ATP9B: variants seen among roughly 807,000 people sequenced by gnomAD.
ATP9B encodes ATPase phospholipid transporting 9B.
A neutral mutation model predicts 146.1 loss-of-function variants in ATP9B; 110 were observed. The ratio of observed to expected loss-of-function variants is 0.75; its 90% CI spans 0.65 to 0.88. ATP9B has a LOEUF of 0.88. Among genes scored for constraint, ATP9B ranks in the 40% least tolerant of loss-of-function variants. ATP9B has a pLI of 0.00. For synonymous variants in ATP9B, 604 were observed against 569.7 expected, an observed-to-expected ratio of 1.06 and a Z score of -0.86; for missense variants, 1,499 against 1,496.4, an observed-to-expected ratio of 1.00 and a Z score of -0.03.
chr18:79,277,234 A>G, intron 13 of ATP9B, 38 bp downstream of exon 13: 1 of 1,608,616 alleles, frequency 6.2e-7, no homozygotes, highest in Non-Finnish European at 8.5e-7. Context: ...TGAATGGACA[A>G]AATGACATTT....
At chr18:79,317,146 T>A (rs114771570) in intron 15 of ATP9B, among the ~76,000 whole-genome samples, 1 of 152,194 alleles carries the variant, frequency 6.6e-6, no homozygotes, top group Admixed American at 6.5e-5. Context: ...ATAGGTCAGT[T>A]GTTTTGAGGC....
intron 1 of ATP9B, among the ~76,000 whole-genome samples, chr18:79,074,531 A>G (rs2072364884): frequency 6.6e-6 from 1 of 152,162 alleles, no homozygotes; most frequent in African/African-American, 2.4e-5. Flanking sequence ...GGCTCTCCCT[A>G]ATGAGAGAGA....
At chr18:79,174,229 C>A (rs1487032229) in intron 7 of ATP9B, 2 of 415,262 alleles carry the variant, frequency 4.8e-6, no homozygotes, top group South Asian at 1.8e-5. Flanking sequence ...GGAATTTTCA[C>A]TGCATGAAGC....
At chr18:79,198,222 A>G (rs2095434397) in intron 9 of ATP9B, among the ~76,000 whole-genome samples, 2 of 152,218 alleles carry the variant, frequency 1.3e-5, no homozygotes, top group African/African-American at 2.4e-5. Context: ...TAAATCCCCA[A>G]TTAAATGGAC....
rs760691116 is a variant in ATP9B, at chr18:79,345,788, T to C, written c.2631T>C (p.Asn877=). 5.6e-6 allele frequency: 9 copies of C among 1,614,132 alleles called. No individual in the cohort carries two copies. In the South Asian group the frequency reaches 9.9e-5, roughly 18 times the overall value. ...RRTCAIGDGG[N]DVSMIQAADC... is the part of the protein sequence containing the mutation. ...CTTGCTTCGCAGGTGATGGAGGAAATGATGTCAGCATGATTCAGGCAGCAG... is the reference window on the plus strand; with the variant it reads ...CTTGCTTCGCAGGTGATGGAGGAAACGATGTCAGCATGATTCAGGCAGCAG... Residue 877 remains asparagine (N), a synonymous_variant, in exon 23 of 30, where the codon AAT becomes AAC. Transcript: ENST00000426216.
chr18:79,341,147 C>G (rs920722544), intron 19 of ATP9B, among the ~76,000 whole-genome samples: 8 of 152,228 alleles, frequency 5.3e-5, no homozygotes, highest in Non-Finnish European at 1.2e-4. Context: ...GTAGCGTGAC[C>G]TCGTTGAAGT....
At chr18:79,071,699 C>T (rs2071846020) in intron 1 of ATP9B, among the ~76,000 whole-genome samples, 1 of 152,080 alleles carries the variant, frequency 6.6e-6, no homozygotes, top group Non-Finnish European at 1.5e-5. Context: ...CTTGAAAAAT[C>T]TTGTGCTGCT....
chr18:79,071,439 T>A (rs6506725), intron 1 of ATP9B, among the ~76,000 whole-genome samples: 113,626 of 130,826 alleles, frequency 0.87, 49,405 homozygotes, highest in Middle Eastern at 0.94. Flanking sequence ...TCTGTTCTCC[T>A]GGCTGGAGTT....
chr18:79,176,975 C>T (rs2095181201), intron 8 of ATP9B, 68 bp downstream of exon 8: 1 of 1,285,648 alleles, frequency 7.8e-7, no homozygotes, highest in Non-Finnish European at 1.1e-6. Flanking sequence ...ACGTATATTT[C>T]TGTTTATACC....
At chr18:79,253,325 A>G in intron 11 of ATP9B, 56 bp from the exon 12 acceptor site, 3 of 1,487,418 alleles carry the variant, frequency 2.0e-6, no homozygotes, top group Non-Finnish European at 2.7e-6. Flanking sequence ...ATTCTGATTT[A>G]TAATATTAGG....
At chr18:79,171,878 GTT>G (rs144146479) in intron 7 of ATP9B, among the ~76,000 whole-genome samples, 5 of 146,626 alleles carry the variant, frequency 3.4e-5, no homozygotes, top group African/African-American at 7.6e-5. Flanking sequence ...TCGGAGACTC[GTT>G]TTTTTTTGTT....
At chr18:79,280,623 A>C (rs1253765793) in intron 13 of ATP9B, among the ~76,000 whole-genome samples, 2 of 152,200 alleles carry the variant, frequency 1.3e-5, no homozygotes, top group Non-Finnish European at 2.9e-5. Context: ...TTTGAATAGC[A>C]TAATTGTCAG....
chr18:79,077,299 A>T (rs895710398), intron 1 of ATP9B, among the ~76,000 whole-genome samples: 2 of 152,140 alleles, frequency 1.3e-5, no homozygotes, highest in African/African-American at 4.8e-5. Flanking sequence ...TACTGCCAGA[A>T]GGGGCTGAAG....
At chr18:79,141,673 G>C (rs1162227474) in intron 5 of ATP9B, among the ~76,000 whole-genome samples, 2 of 152,148 alleles carry the variant, frequency 1.3e-5, no homozygotes, top group Non-Finnish European at 2.9e-5. Flanking sequence ...TTGAGGCCAG[G>C]TGACAGTTGT....
intron 8 of ATP9B, among the ~76,000 whole-genome samples, chr18:79,191,806 G>GATC (rs2095369408): frequency 6.6e-6 from 1 of 152,154 alleles, no homozygotes; most frequent in South Asian, 2.1e-4. Flanking sequence ...AGTCTTCACT[G>GATC]ATCATGTTCT....
rs573675537 is a variant in ATP9B at position 79,134,503 on chromosome 18, A to T, written c.667+8128A>T. ...CATGGCATGTGGTGAGCACTCAGTG[A>T]ACTGCGGGAGTCAAGAAAGAAAGAA... On this transcript the variant is annotated intron_variant, in intron 5 of 29. Transcript: ENST00000426216. Among the ~76,000 whole-genome samples the T allele has an allele frequency of 1.7e-3, 252 of 152,310 alleles. 3 individuals carry two copies. The highest frequency in any genetic ancestry group is 1.1e-3 in the Non-Finnish European group (75 of 68,032).
chr18:79,369,799 T>C (rs2097058877), intron 26 of ATP9B, among the ~76,000 whole-genome samples: 1 of 152,002 alleles, frequency 6.6e-6, no homozygotes, highest in South Asian at 2.1e-4. Context: ...TAATCTTTCC[T>C]TAAAATTTGC....
At chr18:79,257,281 G>A (rs1022311438) in intron 12 of ATP9B, among the ~76,000 whole-genome samples, 1 of 152,120 alleles carries the variant, frequency 6.6e-6, no homozygotes, top group Non-Finnish European at 1.5e-5. Context: ...GCCTGGGCAG[G>A]CAAAAGAACA....
chr18:79,117,631 C>T (rs2147080192), intron 4 of ATP9B: 1 of 152,248 alleles, frequency 6.6e-6, no homozygotes, highest in East Asian at 1.9e-4. Flanking sequence ...GTCAACTCTT[C>T]CAGGGCTCTC....
Sources: gnomAD v4.1 joint callset for allele counts (sites outside exome capture counted in the v4.1 genomes callset) on GRCh38, gnomAD v4.1.1 for gene constraint, MANE v1.5 for transcripts, NCBI Gene and HGNC (gene_info 2026-07-23, HGNC 2026-07-21) for gene names.